NEDD4: variants seen among roughly 807,000 people sequenced by gnomAD.
NEDD4 encodes NEDD4 E3 ubiquitin protein ligase.
NEDD4 carries 99 observed loss-of-function variants against 144.9 expected under a neutral mutation model. The ratio of observed to expected loss-of-function variants is 0.68; its 90% CI spans 0.58 to 0.81. The LOEUF is 0.81. NEDD4 is among the 30% of genes least tolerant of loss of function. The probability of loss-of-function intolerance (pLI) is 0.00; values close to 1 mark genes in which losing one functional copy is unlikely to be tolerated. For synonymous variants in NEDD4, 318 were observed against 350.6 expected, an observed-to-expected ratio of 0.91 and a Z score of 1.04; for missense variants, 985 against 1,065.9, an observed-to-expected ratio of 0.92 and a Z score of 1.06.
At chr15:55,943,681 A>T (rs185715563) in intron 4 of NEDD4, among the ~76,000 whole-genome samples, 69 of 152,332 alleles carry the variant, frequency 4.5e-4, no homozygotes, top group African/African-American at 1.7e-3. Context: ...CAGAGCCCTC[A>T]TGGAGAACTT....
intron 4 of NEDD4, among the ~76,000 whole-genome samples, chr15:55,927,527 G>A (rs1595852105): frequency 6.6e-6 from 1 of 152,172 alleles, no homozygotes; most frequent in East Asian, 1.9e-4. Context: ...GAACTCCTGG[G>A]CTCAAGTGTT....
rs1421084604 is a variant in NEDD4, at chr15:55,862,940, C to G, written c.647G>C (p.Arg216Thr). The G allele has an allele frequency of 1.9e-6, 3 of 1,609,366 alleles. No homozygotes were observed. In the African/African-American group the frequency reaches 4.0e-5, roughly 22 times the overall value. ...AGGGGTTGGTCTTTTCCACTGTGTT[C>G]TTCTAGATTCATGGTTTACATAATA... ...RTYYVNHESR[R>T]TQWKRPTPQD... Residue 216 changes from arginine (R) to threonine (T), a missense_variant, in exon 9 of 29, where the codon AGA becomes ACA. Transcript: ENST00000435532.
intron 2 of NEDD4, among the ~76,000 whole-genome samples, chr15:55,963,180 G>A (rs1400943232): frequency 6.7e-6 from 1 of 148,714 alleles, no homozygotes; most frequent in African/African-American, 2.5e-5. Context: ...CGCCTAGGCT[G>A]GAGTGCAGTG....
chr15:55,924,417 C>T (rs2036624776), intron 5 of NEDD4: 3 of 502,380 alleles, frequency 6.0e-6, no homozygotes, highest in Non-Finnish European at 7.2e-6. Context: ...TTGAGTAAGA[C>T]CTTATAATAT....
In NEDD4 at chr15:55,862,978, G is replaced by T. The variant is rs1404579676; in HGVS notation, c.609C>A (p.Ile203=). 6.2e-7 allele frequency: 1 copy of T among 1,607,436 alleles called. No homozygotes were observed. Among genetic ancestry groups the T allele is most frequent in the South Asian group, 1.1e-5 (1 of 90,276 alleles). Residue 203 remains isoleucine, a synonymous_variant, in exon 9 of 29, where the codon ATC becomes ATA. Coordinates refer to ENST00000435532, the MANE Select transcript of NEDD4 (RefSeq NM_006154.4). ...GGTTTACATAATAGGTCCTTCCAAG[G>T]ATATCCTGCCTCTCTTCCCACCCTG... ...LPPGWEERQD[I]LGRTYYVNHE...
At chr15:55,851,937 C>T (rs898056437) in intron 13 of NEDD4, among the ~76,000 whole-genome samples, 4 of 151,966 alleles carry the variant, frequency 2.6e-5, no homozygotes, top group Non-Finnish European at 2.9e-5. Flanking sequence ...AGTGGTAATT[C>T]GTGTATATTA....
At chr15:55,914,568 A>G (rs1303154422) in intron 5 of NEDD4, among the ~76,000 whole-genome samples, 1 of 151,966 alleles carries the variant, frequency 6.6e-6, no homozygotes, top group Non-Finnish European at 1.5e-5. Flanking sequence ...TTAGAATTCA[A>G]TATTGTTGAA....
At chr15:55,915,222 C>T (rs1252877529) in intron 5 of NEDD4, 1 of 1,428,156 alleles carries the variant, frequency 7.0e-7, no homozygotes, top group African/African-American at 1.4e-5. Flanking sequence ...AAATGTTCTC[C>T]AAATATTTCA....
At chr15:55,875,312 A>T (rs2034956774) in intron 5 of NEDD4, among the ~76,000 whole-genome samples, 1 of 152,166 alleles carries the variant, frequency 6.6e-6, no homozygotes, top group African/African-American at 2.4e-5. Flanking sequence ...ATTTTATTTT[A>T]TTTAATTTTA....
At chr15:55,968,350 A>G (rs1177355030) in intron 1 of NEDD4, among the ~76,000 whole-genome samples, 1 of 152,168 alleles carries the variant, frequency 6.6e-6, no homozygotes, top group East Asian at 1.9e-4. Flanking sequence ...GAAAGATTTA[A>G]AAAATACAAT....
intron 21 of NEDD4, among the ~76,000 whole-genome samples, chr15:55,839,991 AAAAAAAAAATAT>A (rs2033401637): frequency 1.8e-5 from 1 of 56,782 alleles, no homozygotes; most frequent in African/African-American, 7.2e-5. Flanking sequence ...AAAAAAAAAA[AAAAAAAAAATAT>A]ATATATATAT....
At chr15:55,944,989 C>T (rs534101077) in intron 4 of NEDD4, among the ~76,000 whole-genome samples, 10 of 152,192 alleles carry the variant, frequency 6.6e-5, no homozygotes, top group Non-Finnish European at 1.0e-4. Context: ...GACATACACA[C>T]CAAAACCCCA....
At chr15:55,866,027 G>C (rs1163133344) in intron 8 of NEDD4, among the ~76,000 whole-genome samples, 1 of 151,982 alleles carries the variant, frequency 6.6e-6, no homozygotes, top group East Asian at 1.9e-4. Flanking sequence ...GACCTCTTGA[G>C]CTCAAGCAAT....
chr15:55,946,796 T>C (rs1174965795), intron 4 of NEDD4, among the ~76,000 whole-genome samples: 6 of 152,126 alleles, frequency 3.9e-5, no homozygotes, highest in African/African-American at 1.2e-4. Context: ...ACAGAAATTA[T>C]AACAAACTGT....
chr15:55,951,312 C>T (rs191453426), intron 4 of NEDD4, 64 bp downstream of exon 4: 338 of 678,286 alleles, frequency 5.0e-4, no homozygotes, highest in Non-Finnish European at 7.3e-4. Context: ...GAGAATTTAT[C>T]ATTCTAACCT....
intron 5 of NEDD4, among the ~76,000 whole-genome samples, chr15:55,881,241 C>A (rs1444077413): frequency 6.6e-6 from 1 of 151,348 alleles, no homozygotes; most frequent in South Asian, 2.1e-4. Context: ...TCCCGGGTTC[C>A]GGCAATTCTC....
chr15:55,843,027 G>A (rs1382976857), intron 18 of NEDD4, among the ~76,000 whole-genome samples: 1 of 152,324 alleles, frequency 6.6e-6, no homozygotes, highest in East Asian at 1.9e-4. Context: ...TTCCTGCACT[G>A]TTCTCATGAT....
At chr15:55,903,308 G>A (rs1452916762) in intron 5 of NEDD4, among the ~76,000 whole-genome samples, 1 of 152,096 alleles carries the variant, frequency 6.6e-6, no homozygotes, top group Non-Finnish European at 1.5e-5. Flanking sequence ...TTTGGCTAGT[G>A]GTAGTAGAAA....
chr15:55,901,920 T>C (rs2035926002), intron 5 of NEDD4, among the ~76,000 whole-genome samples: 1 of 152,066 alleles, frequency 6.6e-6, no homozygotes, highest in Non-Finnish European at 1.5e-5. Context: ...AAATTTTATA[T>C]TATATAAATA....
Sources: gnomAD v4.1 joint callset for allele counts (sites outside exome capture counted in the v4.1 genomes callset) on GRCh38, gnomAD v4.1.1 for gene constraint, MANE v1.5 for transcripts, NCBI Gene and HGNC (gene_info 2026-07-23, HGNC 2026-07-21) for gene names.